ADCY5: variants seen among roughly 807,000 people sequenced by gnomAD.
ADCY5 encodes adenylate cyclase 5.
Under a neutral mutation model 119.7 loss-of-function variants are expected in ADCY5, and 30 were observed. The ratio of observed to expected loss-of-function variants is 0.25; its 90% confidence interval spans 0.19 to 0.34. The LOEUF is 0.34. ADCY5 is among the 10% of genes least tolerant of loss of function. The probability of loss-of-function intolerance (pLI) is 1.00; values close to 1 mark genes in which losing one functional copy is unlikely to be tolerated. For synonymous variants in ADCY5, 753 were observed against 762.2 expected (o/e 0.99, Z 0.20); for missense variants, 1,324 against 1,775.2 (o/e 0.75, Z 4.57).
At chr3:123,428,678 C>T (rs911331998) in intron 1 of ADCY5, among the ~76,000 whole-genome samples, 2 of 152,210 alleles carry the variant, frequency 1.3e-5, no homozygotes, top group East Asian at 1.9e-4. Flanking sequence ...AACCTGATAA[C>T]GTCAATCTGT....
intron 12 of ADCY5, among the ~76,000 whole-genome samples, chr3:123,311,693 G>A (rs573911510): frequency 3.1e-4 from 47 of 152,246 alleles, no homozygotes; most frequent in Middle Eastern, 3.4e-3. Flanking sequence ...AGCCCAGAGC[G>A]GCAGGTTCCA....
In ADCY5 at chr3:123,291,097, A is replaced by G. The variant is rs1939116830; in HGVS notation, c.3327+16T>C. 3 of 1,601,748 alleles carry G rather than the reference A, an allele frequency of 1.9e-6. No homozygotes were observed. On this transcript the variant is annotated intron_variant, in intron 18 of 20. Coordinates refer to ENST00000462833, the MANE Select transcript of ADCY5 (RefSeq NM_183357.3). ...CCCTCCCAGGAACACAGCCTGACCC[A>G]GGCCCCGCTGTGCACCTCATCAAAG...
At chr3:123,384,806 T>C (rs1369487101) in intron 1 of ADCY5, among the ~76,000 whole-genome samples, 1 of 152,162 alleles carries the variant, frequency 6.6e-6, no homozygotes, top group Non-Finnish European at 1.5e-5. Flanking sequence ...AGGCCACTAG[T>C]ACCACTCTGA....
intron 3 of ADCY5, among the ~76,000 whole-genome samples, chr3:123,343,726 C>A (rs1470085380): frequency 2.0e-5 from 3 of 152,210 alleles, no homozygotes; most frequent in East Asian, 1.9e-4. Flanking sequence ...GGGCACAGCT[C>A]CCCCAGCCCT....
In ADCY5 at chr3:123,291,217, C is replaced by A. The variant is rs768838071; in HGVS notation, c.3223G>T (p.Ala1075Ser). The A allele has an allele frequency of 6.2e-7, 1 of 1,614,066 alleles. No individual in the cohort carries two copies. The highest frequency in any genetic ancestry group is 8.5e-7 in the Non-Finnish European group (1 of 1,180,038). Residue 1075 changes from alanine (A) to serine (S), a missense_variant, in exon 18 of 21, where the codon GCC becomes TCC. Ala to Ser is a moderately conservative substitution (Grantham distance 99). This residue lies in a region of ADCY5 where 178 missense variants were observed against 329.6 expected (regional missense o/e 0.54). Transcript: ENST00000462833. The part of the protein sequence containing the change: ...QSCECVAVMF[A>S]SIANFSEFYV... ...AACTCGGAGAAGTTGGCGATGGAGG[C>A]GAACATGACCGCCACACACTCACAG... is the stretch of plus-strand genomic sequence containing the variant.
chr3:123,412,231 C>T (rs1378953743), intron 1 of ADCY5, among the ~76,000 whole-genome samples: 5 of 152,176 alleles, frequency 3.3e-5, no homozygotes, highest in African/African-American at 1.2e-4. Context: ...CTAGCCATGG[C>T]CTGGGGGCCC....
intron 1 of ADCY5, among the ~76,000 whole-genome samples, chr3:123,405,419 CAG>C (rs1303419062): frequency 1.3e-5 from 2 of 152,102 alleles, no homozygotes; most frequent in African/African-American, 4.8e-5. Context: ...CTTCCAGACC[CAG>C]AACACCGGCA....
chr3:123,306,015 C>G (rs1331876786), intron 12 of ADCY5, among the ~76,000 whole-genome samples: 1 of 152,190 alleles, frequency 6.6e-6, no homozygotes, highest in Non-Finnish European at 1.5e-5. Flanking sequence ...GAGAGCCTCC[C>G]AGGTATGCTC....
chr3:123,308,395 G>A (rs1420786828), intron 12 of ADCY5, among the ~76,000 whole-genome samples: 4 of 152,084 alleles, frequency 2.6e-5, no homozygotes, highest in Non-Finnish European at 5.9e-5. Context: ...TAGGAACTCA[G>A]GAATTACTGT....
chr3:123,352,643 A>T lies in ADCY5; in HGVS notation c.1135-62T>A. The T allele has an allele frequency of 6.5e-7, 1 of 1,538,132 alleles. No individual in the cohort carries two copies. Among genetic ancestry groups the T allele is most frequent in the Non-Finnish European group, 8.8e-7 (1 of 1,135,254 alleles). The stretch of plus-strand genomic sequence containing the variant: ...CTGACCTTCCTGGCCCCAAAGCATG[A>T]AGCCCTCAGCCCCTGTCTCAGCAAA... On this transcript the variant is annotated intron_variant, in intron 1 of 20. Coordinates refer to ENST00000462833, the MANE Select transcript of ADCY5 (RefSeq NM_183357.3). The surrounding 1 kb of genome is among the most constrained non-coding windows in gnomAD (Gnocchi z 4.8).
Position 123,314,259 on chromosome 3 carries a change from C to A in ADCY5, c.2418G>T (p.Val806=). The change falls in exon 12 of 21, where the codon GTG becomes GTT. Residue 806 remains valine, a synonymous_variant. Coordinates refer to ENST00000462833, the MANE Select transcript of ADCY5 (RefSeq NM_183357.3). The stretch of plus-strand genomic sequence containing the variant: ...CCTTTACGCAGGAGTAGATCACAGA[C>A]ACAAACACCACCAAGGTCAGCAGCA... ...CSLLLTLVVF[V]SVIYSCVKLF... 6.2e-7 allele frequency: 1 copy of A among 1,613,664 alleles called. No individual in the cohort carries two copies. Among genetic ancestry groups the A allele is most frequent in the Non-Finnish European group, 8.5e-7 (1 of 1,179,650 alleles).
chr3:123,405,687 T>A (rs1576673197), intron 1 of ADCY5, among the ~76,000 whole-genome samples: 1 of 152,164 alleles, frequency 6.6e-6, no homozygotes, highest in South Asian at 2.1e-4. Context: ...CAGGCCAGAG[T>A]GCGGTGGCGC....
chr3:123,300,162 G>GT lies in ADCY5; in HGVS notation c.2857dup (p.Thr953AsnfsTer27). On this transcript the variant is annotated frameshift_variant, in exon 15 of 21. Coordinates refer to ENST00000462833, the MANE Select transcript of ADCY5 (RefSeq NM_183357.3). LOFTEE classifies it high-confidence loss of function. ...CAGCAGGTCGGCGTTGTCGAAGAGC[G>GT]TGACACCTGGCACCTCCACGATGAG... 1 of 1,613,892 alleles carries GT rather than the reference G, an allele frequency of 6.2e-7. No homozygotes were observed. The highest frequency in any genetic ancestry group is 8.5e-7 in the Non-Finnish European group (1 of 1,180,048).
At chr3:123,395,606 G>A (rs563391759) in intron 1 of ADCY5, among the ~76,000 whole-genome samples, 12 of 152,270 alleles carry the variant, frequency 7.9e-5, no homozygotes, top group South Asian at 4.2e-4. Context: ...CAGGCATGGT[G>A]GCTCACGTGT....
chr3:123,403,327 T>C (rs1224528475), intron 1 of ADCY5, among the ~76,000 whole-genome samples: 3 of 143,934 alleles, frequency 2.1e-5, no homozygotes, highest in Non-Finnish European at 4.5e-5. Flanking sequence ...CAGTGAGCCA[T>C]GATTGCACCA....
In ADCY5 at chr3:123,303,106, G is replaced by A. The variant is rs776048153; in HGVS notation, c.2673C>T (p.Gly891=). The change falls in exon 14 of 21, where the codon GGC becomes GGT. Residue 891 remains glycine (G), a synonymous_variant. Transcript: ENST00000462833. ...GGCTGCCACAGAAGCCCTGCTCATC[G>A]CCCAGGCTGTAGTTGACGGCCGACT... ...VAESAVNYSL[G]DEQGFCGSPW... The A allele has an allele frequency of 2.2e-5, 36 of 1,613,710 alleles. No individual in the cohort carries two copies. The highest frequency in any genetic ancestry group is 1.3e-4 in the South Asian group (12 of 91,088).
intron 3 of ADCY5, among the ~76,000 whole-genome samples, chr3:123,336,824 T>C (rs1942051791): frequency 6.6e-6 from 1 of 152,176 alleles, no homozygotes. Flanking sequence ...GGCAAGCGCA[T>C]TCTTCCATGG....
intron 1 of ADCY5, among the ~76,000 whole-genome samples, chr3:123,381,241 G>C (rs1401452875): frequency 6.6e-6 from 1 of 152,208 alleles, no homozygotes; most frequent in Non-Finnish European, 1.5e-5. Flanking sequence ...AGAGCCAAGA[G>C]GTCTCCGTCA....
chr3:123,285,607 G>C (rs936285219), intron 20 of ADCY5, among the ~76,000 whole-genome samples: 3 of 152,222 alleles, frequency 2.0e-5, no homozygotes, highest in East Asian at 1.9e-4. Context: ...GCTGAGAGGG[G>C]ACCCCACTGT....
Sources: allele counts gnomAD v4.1 joint callset (sites outside exome capture counted in the v4.1 genomes callset), GRCh38; gene constraint gnomAD v4.1.1; regional missense constraint gnomAD v4.1.1; non-coding constraint Gnocchi (gnomAD v3.1); transcripts MANE v1.5; gene names NCBI Gene and HGNC (gene_info 2026-07-23, HGNC 2026-07-21).